The following PRKCE variants were observed in gnomAD, a reference collection of about 807,000 sequenced individuals.
The protein encoded by PRKCE is protein kinase C epsilon, also known as protein kinase C epsilon type.
PRKCE carries 16 observed loss-of-function variants against 85.4 expected under a neutral mutation model. The ratio of observed to expected loss-of-function variants is 0.19; its 90% confidence interval spans 0.13 to 0.28. The LOEUF (loss-of-function observed/expected upper bound fraction) is 0.28, where lower values mean the gene tolerates loss of function less well. Among genes scored for constraint, PRKCE ranks in the 10% least tolerant of loss-of-function variants. The pLI is 1.00. For missense variants in PRKCE, 573 were observed against 975.2 expected (o/e 0.59, Z 5.49); for synonymous variants, 388 against 371.5 (o/e 1.04, Z -0.51).
intron 2 of PRKCE, among the ~76,000 whole-genome samples, chr2:45,950,603 C>T (rs1700553983): frequency 6.6e-6 from 1 of 152,074 alleles, no homozygotes; most frequent in African/African-American, 2.4e-5. Flanking sequence ...CCCAGTTTCC[C>T]CTGGGATTAC....
rs1393087603 is a variant in PRKCE, at chr2:46,086,292, C to T, written c.1522C>T (p.Arg508Cys). The T allele has an allele frequency of 1.9e-6, 3 of 1,599,726 alleles. No individual in the cohort carries two copies. The highest frequency in any genetic ancestry group is 2.5e-6 in the Non-Finnish European group (3 of 1,179,960). Residue 508 changes from arginine (R) to cysteine (C), a missense_variant, in exon 11 of 15, where the codon CGT (arginine) becomes TGT (cysteine). Transcript: ENST00000306156. ...GCGCTCCCGAAAATTCGACGAGCCT[C>T]GTTCACGGTTCTATGCTGCAGAGGT... ...IQRSRKFDEP[R>C]SRFYAAEVTS...
chr2:46,103,786 A>C (rs1265289819), intron 11 of PRKCE, among the ~76,000 whole-genome samples: 1 of 152,160 alleles, frequency 6.6e-6, no homozygotes, highest in Non-Finnish European at 1.5e-5. Flanking sequence ...ATATATTTAT[A>C]ATTCATTAAG....
rs768906743 is a variant in PRKCE, at chr2:45,819,924, A to G, written c.349-23076A>G. On this transcript the variant is annotated intron_variant, in intron 1 of 14. Coordinates refer to ENST00000306156, the MANE Select transcript of PRKCE (RefSeq NM_005400.3). ...CTGGTTTGGGGCTGTGTCATTGCAC[A>G]GCCCACTGTATTCCTAATGTATGGA... is the stretch of plus-strand genomic sequence containing the variant. Among the ~76,000 whole-genome samples, 14 of 152,338 alleles carry G rather than the reference A, an allele frequency of 9.2e-5. No individual in the cohort carries two copies. The South Asian group carries it at 1.2e-3, about 14-fold the overall frequency.
intron 1 of PRKCE, among the ~76,000 whole-genome samples, chr2:45,743,998 T>G (rs1357512616): frequency 4.0e-5 from 6 of 151,102 alleles, no homozygotes; most frequent in East Asian, 1.9e-4. Flanking sequence ...TTGTGTGTTT[T>G]TTTTTTTTTT....
At chr2:45,746,307 G>A (rs940851039) in intron 1 of PRKCE, among the ~76,000 whole-genome samples, 9 of 152,116 alleles carry the variant, frequency 5.9e-5, no homozygotes, top group Non-Finnish European at 8.8e-5. Flanking sequence ...TATCTAATAG[G>A]CTTCTCACAC....
At position 45,724,588 on chromosome 2, in the gene PRKCE, G is replaced by A. The variant is rs1044076402; in HGVS notation, c.348+72140G>A. Among the ~76,000 whole-genome samples, 4 of 152,202 alleles carry A rather than the reference G, an allele frequency of 2.6e-5. No individual in the cohort carries two copies. The East Asian group carries it at 7.7e-4, about 29-fold the overall frequency. On this transcript the variant is annotated intron_variant, in intron 1 of 14. Transcript: ENST00000306156. ...GAAAGCTAGGCCTCTTGCACCAGAC[G>A]GCCAAGTTGTGAATGCAAAGGAAAA...
In PRKCE at chr2:45,725,620, C is replaced by G. The variant is rs556744909; in HGVS notation, c.348+73172C>G. Among the ~76,000 whole-genome samples the G allele has an allele frequency of 3.3e-5, 5 of 152,204 alleles. No homozygotes were observed. In the South Asian group the frequency reaches 8.3e-4, roughly 25 times the overall value. On this transcript the variant is annotated intron_variant, in intron 1 of 14. Coordinates refer to ENST00000306156, the MANE Select transcript of PRKCE (RefSeq NM_005400.3). ...GACCGAGGCGGGCAGATCACGAGGT[C>G]AAGAGATCGAGACCATCCTGGCCAA...
At chr2:46,013,886 G>A (rs1705896791) in intron 10 of PRKCE, among the ~76,000 whole-genome samples, 1 of 152,202 alleles carries the variant, frequency 6.6e-6, no homozygotes, top group Admixed American at 6.5e-5. Flanking sequence ...GAAAGACTCA[G>A]AAGTGTGTAA....
intron 10 of PRKCE, among the ~76,000 whole-genome samples, chr2:46,059,935 A>T (rs1164802436): frequency 6.6e-6 from 1 of 152,230 alleles, no homozygotes; most frequent in African/African-American, 2.4e-5. Flanking sequence ...GATATTGCAC[A>T]TTCTAGAGAT....
At chr2:45,954,795 T>C (rs1306455523) in intron 2 of PRKCE, among the ~76,000 whole-genome samples, 6 of 152,200 alleles carry the variant, frequency 3.9e-5, no homozygotes, top group African/African-American at 1.2e-4. Context: ...GAACCGAGGA[T>C]AGCTTTTATT....
chr2:45,665,962 C>T (rs897162435), intron 1 of PRKCE, among the ~76,000 whole-genome samples: 3 of 152,070 alleles, frequency 2.0e-5, no homozygotes, highest in Non-Finnish European at 4.4e-5. Context: ...AAGTAGGTAA[C>T]ATATTTTTGA....
chr2:45,885,856 A>G (rs768519842), intron 2 of PRKCE, among the ~76,000 whole-genome samples: 1 of 152,244 alleles, frequency 6.6e-6, no homozygotes, highest in Non-Finnish European at 1.5e-5. Flanking sequence ...GGATAATTTA[A>G]AAAGCAAAAT....
At chr2:45,870,771 G>A (rs557734786) in intron 2 of PRKCE, among the ~76,000 whole-genome samples, 2 of 152,314 alleles carry the variant, frequency 1.3e-5, no homozygotes, top group South Asian at 4.1e-4. Context: ...TCTAAATATG[G>A]ATTTCCTCAC....
chr2:46,012,769 G>A (rs889212275), intron 10 of PRKCE, among the ~76,000 whole-genome samples: 1 of 152,220 alleles, frequency 6.6e-6, no homozygotes, highest in East Asian at 1.9e-4. Flanking sequence ...AATGTCAGCA[G>A]TGTTCTCCTT....
chr2:46,107,056 G>C (rs1171961506), intron 11 of PRKCE, among the ~76,000 whole-genome samples: 1 of 151,996 alleles, frequency 6.6e-6, no homozygotes, highest in Admixed American at 6.6e-5. Context: ...AAGTTTTATG[G>C]GTTTTAACAA....
intron 1 of PRKCE, among the ~76,000 whole-genome samples, chr2:45,737,191 G>C (rs771691349): frequency 3.3e-5 from 5 of 152,188 alleles, no homozygotes; most frequent in Non-Finnish European, 5.9e-5. Flanking sequence ...CCACGCAGCT[G>C]TCTTCAAAAT....
At chr2:45,783,367 C>T (rs1686347290) in intron 1 of PRKCE, among the ~76,000 whole-genome samples, 1 of 152,148 alleles carries the variant, frequency 6.6e-6, no homozygotes, top group African/African-American at 2.4e-5. Context: ...TGCACTTGTG[C>T]ACACATAGAC....
intron 2 of PRKCE, among the ~76,000 whole-genome samples, chr2:45,935,279 C>T (rs1699361869): frequency 6.6e-6 from 1 of 152,060 alleles, no homozygotes; most frequent in African/African-American, 2.4e-5. Context: ...TTGCATGATT[C>T]TCTGCTTTAC....
intron 10 of PRKCE, among the ~76,000 whole-genome samples, chr2:46,077,189 G>A (rs75221638): frequency 1.7e-4 from 23 of 134,590 alleles, no homozygotes; most frequent in African/African-American, 5.6e-4. Flanking sequence ...ACACACACAC[G>A]CACGCGCACA....
Sources: gnomAD v4.1 joint callset for allele counts (sites outside exome capture counted in the v4.1 genomes callset) on GRCh38, gnomAD v4.1.1 for gene constraint, MANE v1.5 for transcripts, NCBI Gene and HGNC (gene_info 2026-07-23, HGNC 2026-07-21) for gene names.